The following DGKB variants were observed in gnomAD, a reference collection of about 807,000 sequenced individuals.
The protein encoded by DGKB is diacylglycerol kinase beta.
A neutral mutation model predicts 114.3 loss-of-function variants in DGKB; 67 were observed. The ratio of observed to expected loss-of-function variants is 0.59; its 90% CI spans 0.48 to 0.72. The LOEUF (loss-of-function observed/expected upper bound fraction) is 0.72, where lower values mean the gene tolerates loss of function less well. Ranked by LOEUF, DGKB falls within the 30% of genes least tolerant of loss-of-function variation. DGKB has a pLI of 0.00. For missense variants in DGKB, 907 were observed against 975.2 expected (o/e 0.93, Z 0.93); for synonymous variants, 398 against 323.1 (o/e 1.23, Z -2.49).
At chr7:14,307,408 C>G (rs1333160989) in intron 23 of DGKB, among the ~76,000 whole-genome samples, 1 of 152,102 alleles carries the variant, frequency 6.6e-6, no homozygotes, top group African/African-American at 2.4e-5. Context: ...TAACATATTT[C>G]TAATGTATGA....
At chr7:14,926,728 C>A (rs1202608921) in intron 1 of DGKB, among the ~76,000 whole-genome samples, 1 of 151,080 alleles carries the variant, frequency 6.6e-6, no homozygotes. Context: ...TCTGATATAC[C>A]CAACATGTAA....
intron 23 of DGKB, among the ~76,000 whole-genome samples, chr7:14,335,425 A>G (rs1810469152): frequency 1.3e-5 from 2 of 152,142 alleles, no homozygotes; most frequent in Non-Finnish European, 2.9e-5. Flanking sequence ...AAAGTTTATG[A>G]AAGCAAGTAT....
intron 23 of DGKB, among the ~76,000 whole-genome samples, chr7:14,306,300 A>C (rs958269540): frequency 3.8e-4 from 58 of 152,150 alleles, no homozygotes; most frequent in Admixed American, 3.3e-4. Flanking sequence ...CACCGAAAGA[A>C]AGTAAGAAAG....
chr7:14,600,613 A>T (rs560122373), intron 17 of DGKB, among the ~76,000 whole-genome samples: 4 of 152,190 alleles, frequency 2.6e-5, no homozygotes, highest in African/African-American at 4.8e-5. Flanking sequence ...TCCAAAGTAC[A>T]ATGGTGTACG....
At chr7:14,879,701 T>G in intron 1 of DGKB, among the ~76,000 whole-genome samples, 1 of 152,180 alleles carries the variant, frequency 6.6e-6, no homozygotes, top group African/African-American at 2.4e-5. Context: ...TTGGGAAGAA[T>G]AATCAACAAG....
At chr7:14,271,388 T>C (rs1362718916) in intron 23 of DGKB, among the ~76,000 whole-genome samples, 2 of 152,170 alleles carry the variant, frequency 1.3e-5, no homozygotes, top group Non-Finnish European at 2.9e-5. Context: ...TAAAGGTCCC[T>C]GTGGCCCTGT....
chr7:14,732,883 T>G (rs551392662), intron 5 of DGKB, among the ~76,000 whole-genome samples: 1 of 152,316 alleles, frequency 6.6e-6, no homozygotes, highest in East Asian at 1.9e-4. Flanking sequence ...CAAAATCACC[T>G]AATTTATCAG....
intron 1 of DGKB, among the ~76,000 whole-genome samples, chr7:14,860,138 A>G (rs1850758124): frequency 6.6e-6 from 1 of 152,106 alleles, no homozygotes; most frequent in Admixed American, 6.6e-5. Flanking sequence ...CAATATGCCA[A>G]GTATTTTCCT....
intron 2 of DGKB, among the ~76,000 whole-genome samples, chr7:14,796,249 T>C (rs892886287): frequency 6.6e-6 from 1 of 152,178 alleles, no homozygotes; most frequent in Non-Finnish European, 1.5e-5. Flanking sequence ...CATCAATTTT[T>C]GATGGAAAAA....
intron 21 of DGKB, among the ~76,000 whole-genome samples, chr7:14,399,912 G>A (rs138870048): frequency 3.3e-5 from 5 of 151,830 alleles, no homozygotes; most frequent in African/African-American, 1.2e-4. Flanking sequence ...TTTGATAGAA[G>A]AGATACACGA....
chr7:14,729,236 C>G (rs574147399), intron 5 of DGKB, among the ~76,000 whole-genome samples: 1 of 149,990 alleles, frequency 6.7e-6, no homozygotes, highest in East Asian at 2.0e-4. Flanking sequence ...CATTCTCCCG[C>G]CTCAGCCTCC....
chr7:14,216,725 C>CAGAAAAAAAAAAAAAAAAAAAAAA (rs1789031545), intron 23 of DGKB, among the ~76,000 whole-genome samples: 1 of 50,352 alleles, frequency 2.0e-5, no homozygotes, highest in African/African-American at 7.1e-5. Flanking sequence ...GACTCCGTCT[C>CAGAAAAAAAAAAAAAAAAAAAAAA]AAAAAAAAAA....
intron 1 of DGKB, among the ~76,000 whole-genome samples, chr7:14,919,095 A>AAACAC (rs1784392701): frequency 0.033 from 3,766 of 114,852 alleles, 271 homozygotes; most frequent in East Asian, 0.28. Context: ...CACACACACA[A>AAACAC]ACACACACAC....
intron 25 of DGKB, among the ~76,000 whole-genome samples, chr7:14,151,173 A>T (rs1174750208): frequency 2.0e-5 from 3 of 152,116 alleles, no homozygotes; most frequent in African/African-American, 7.2e-5. Context: ...ATTAAGAGCT[A>T]AAGTAAGAAG....
At chr7:14,368,894 G>T (rs999582260) in intron 21 of DGKB, among the ~76,000 whole-genome samples, 2 of 152,078 alleles carry the variant, frequency 1.3e-5, no homozygotes, top group Non-Finnish European at 2.9e-5. Context: ...AAGAGAAAGA[G>T]AAAGAAGTTC....
chr7:14,310,666 T>C (rs1215521155), intron 23 of DGKB, among the ~76,000 whole-genome samples: 1 of 152,188 alleles, frequency 6.6e-6, no homozygotes. Context: ...TGAAGATGAC[T>C]GATAAAGTAG....
intron 25 of DGKB, among the ~76,000 whole-genome samples, chr7:14,164,706 C>T (rs190136640): frequency 1.3e-3 from 202 of 152,068 alleles, no homozygotes; most frequent in Non-Finnish European, 1.1e-3. Context: ...GGCCGAATTT[C>T]AAAGATGTCA....
intron 25 of DGKB, among the ~76,000 whole-genome samples, chr7:14,169,919 G>T (rs1482069745): frequency 6.6e-6 from 1 of 151,992 alleles, no homozygotes; most frequent in Non-Finnish European, 1.5e-5. Flanking sequence ...TGGATCACCT[G>T]AGGTTGGGAG....
intron 20 of DGKB, among the ~76,000 whole-genome samples, chr7:14,553,783 T>C (rs1272747200): frequency 6.6e-6 from 1 of 151,804 alleles, no homozygotes; most frequent in Non-Finnish European, 1.5e-5. Flanking sequence ...CCTCACATGC[T>C]GGAGGTATAT....
Sources: allele counts gnomAD v4.1 joint callset (sites outside exome capture counted in the v4.1 genomes callset), GRCh38; gene constraint gnomAD v4.1.1; transcripts MANE v1.5; gene names NCBI Gene and HGNC (gene_info 2026-07-23, HGNC 2026-07-21).